Variants in ANKRD30A observed in about 807,000 individuals in gnomAD.
ANKRD30A encodes ankyrin repeat domain-containing protein 30A.
A neutral mutation model predicts 166.3 loss-of-function variants in ANKRD30A; 170 were observed. That is an observed-to-expected ratio of 1.02 (90% confidence interval 0.90 to 1.16). ANKRD30A has a LOEUF of 1.16. Among genes scored for constraint, ANKRD30A ranks in the 50% most tolerant of loss-of-function variants. The pLI, the probability that ANKRD30A is intolerant of heterozygous loss-of-function variation, is 0.00. For synonymous variants in ANKRD30A, 564 were observed against 508.9 expected (o/e 1.11, Z -1.46); for missense variants, 1,630 against 1,518.0 (o/e 1.07, Z -1.23).
chr10:37,151,218 C>T (rs184970279), intron 11 of ANKRD30A, among the ~76,000 whole-genome samples: 29 of 152,174 alleles, frequency 1.9e-4, no homozygotes, highest in Non-Finnish European at 3.2e-4. Context: ...GTAATTTGTA[C>T]TTTGTACTGA....
chr10:37,226,031 A>C (rs1344991270), intron 34 of ANKRD30A, among the ~76,000 whole-genome samples: 1 of 151,642 alleles, frequency 6.6e-6, no homozygotes, highest in Non-Finnish European at 1.5e-5. Context: ...TGGAAGCTTT[A>C]TCTTGTTCAA....
intron 15 of ANKRD30A, among the ~76,000 whole-genome samples, chr10:37,160,545 A>T (rs1405467976): frequency 6.6e-6 from 1 of 152,206 alleles, no homozygotes; most frequent in Non-Finnish European, 1.5e-5. Flanking sequence ...GCCAAATAAC[A>T]AATGGGCTCT....
intron 15 of ANKRD30A, among the ~76,000 whole-genome samples, chr10:37,158,981 C>A (rs1013422977): frequency 6.6e-6 from 1 of 152,104 alleles, no homozygotes; most frequent in African/African-American, 2.4e-5. Context: ...TGAGTGTTGC[C>A]ACTCAGAGAA....
the ANKRD30A span, among the ~76,000 whole-genome samples, chr10:37,246,331 C>G: frequency 6.6e-6 from 1 of 152,180 alleles, no homozygotes; most frequent in Non-Finnish European, 1.5e-5. Context: ...GTTAATCTAA[C>G]CTTGCATTTG....
chr10:37,153,886 G>C (rs17590371), intron 13 of ANKRD30A, among the ~76,000 whole-genome samples: 4 of 152,264 alleles, frequency 2.6e-5, no homozygotes, highest in African/African-American at 7.2e-5. Flanking sequence ...TCAAGATATT[G>C]CAAGACCTGA....
intron 6 of ANKRD30A, among the ~76,000 whole-genome samples, chr10:37,140,764 A>G (rs1443221187): frequency 2.0e-5 from 3 of 152,234 alleles, no homozygotes; most frequent in Non-Finnish European, 4.4e-5. Flanking sequence ...TGCTACTATG[A>G]TACCTAAATG....
the ANKRD30A span, among the ~76,000 whole-genome samples, chr10:37,263,738 C>G: frequency 1.3e-5 from 2 of 152,162 alleles, no homozygotes; most frequent in South Asian, 4.2e-4. Flanking sequence ...TCCTGCTGTG[C>G]AGCCTGGTTC....
intron 34 of ANKRD30A, among the ~76,000 whole-genome samples, chr10:37,225,141 A>G (rs1843087724): frequency 6.6e-6 from 1 of 151,024 alleles, no homozygotes; most frequent in Non-Finnish European, 1.5e-5. Flanking sequence ...AAATATTAAT[A>G]GTTTATATAT....
rs200399695 is a variant in ANKRD30A at position 37,217,790 on chromosome 10, G to C, written c.3179G>C (p.Arg1060Thr). ...EELGRIEEQHRKELEVKQQLE... is the reference protein window; with the variant it reads ...EELGRIEEQHTKELEVKQQLE... ...TTAGGAAGAATCGAAGAGCAGCATA[G>C]GAAAGAGTTAGAAGTGAAACAACAA... Residue 1060 changes from arginine to threonine, a missense_variant, in exon 33 of 36, where the codon AGG becomes ACG. Coordinates refer to ENST00000361713, the MANE Select transcript of ANKRD30A (RefSeq NM_052997.3). 8.1e-5 allele frequency: 129 copies of C among 1,600,268 alleles called. No individual in the cohort carries two copies. Among genetic ancestry groups the C allele is most frequent in the Non-Finnish European group, 1.0e-4 (121 of 1,172,662 alleles).
At chr10:37,196,081 T>C (rs1054581509) in intron 27 of ANKRD30A, among the ~76,000 whole-genome samples, 1 of 146,494 alleles carries the variant, frequency 6.8e-6, no homozygotes, top group Non-Finnish European at 1.5e-5. Flanking sequence ...TAGAGGTTTT[T>C]TTATATTTTC....
downstream of ANKRD30A, among the ~76,000 whole-genome samples, chr10:37,234,343 G>A (rs1843577651): frequency 6.6e-6 from 1 of 151,984 alleles, no homozygotes; most frequent in African/African-American, 2.4e-5. Flanking sequence ...ATTAAAATTA[G>A]CTTCAAAAAT....
At chr10:37,155,075 C>T (rs1009029531) in intron 13 of ANKRD30A, among the ~76,000 whole-genome samples, 3 of 152,050 alleles carry the variant, frequency 2.0e-5, no homozygotes, top group African/African-American at 7.2e-5. Flanking sequence ...TACACGAAAC[C>T]AGACTAATTT....
At chr10:37,224,345 C>G (rs1273495183) in intron 34 of ANKRD30A, among the ~76,000 whole-genome samples, 3 of 150,576 alleles carry the variant, frequency 2.0e-5, no homozygotes, top group Non-Finnish European at 4.5e-5. Context: ...CTTTTAGTCT[C>G]TTTGATTTTT....
At chr10:37,255,233 A>AT in the ANKRD30A span, among the ~76,000 whole-genome samples, 1 of 152,192 alleles carries the variant, frequency 6.6e-6, no homozygotes, top group Non-Finnish European at 1.5e-5. Flanking sequence ...ACACATGAAC[A>AT]TAGAGTGTAG....
intron 31 of ANKRD30A, among the ~76,000 whole-genome samples, chr10:37,207,730 T>A (rs1371328690): frequency 6.6e-6 from 1 of 151,962 alleles, no homozygotes; most frequent in Non-Finnish European, 1.5e-5. Context: ...TATAATAGTT[T>A]TTTGAAAATA....
chr10:37,153,751 T>A, intron 13 of ANKRD30A, 89 bp downstream of exon 13: 1 of 1,545,158 alleles, frequency 6.5e-7, no homozygotes, highest in Non-Finnish European at 8.8e-7. Context: ...TGAAGAAAAT[T>A]ACCTCCTAAA....
At chr10:37,233,000 C>A (rs1843521937), downstream of ANKRD30A, among the ~76,000 whole-genome samples, 1 of 151,562 alleles carries the variant, frequency 6.6e-6, no homozygotes, top group Non-Finnish European at 1.5e-5. Flanking sequence ...CTAAAATACC[C>A]ATTTCAATCA....
chr10:37,202,461 C>A (rs543659929), intron 31 of ANKRD30A, among the ~76,000 whole-genome samples: 1 of 152,046 alleles, frequency 6.6e-6, no homozygotes, highest in African/African-American at 2.4e-5. Context: ...CACCACATAC[C>A]AGAATCTGTG....
rs149423241 is a variant in ANKRD30A, at chr10:37,165,008, G to A, written c.2003-86G>A. The A allele has an allele frequency of 2.1e-3, 2,899 of 1,368,942 alleles. 14 individuals carry two copies. Among genetic ancestry groups the A allele is most frequent in the South Asian group, 2.5e-3 (208 of 84,428 alleles). 84.8% of individuals were successfully genotyped at this position (1,368,942 alleles called of 1,614,324 possible). A position where few individuals can be genotyped will look rare whatever the true frequency, so the allele number is the denominator to read the frequency against. On this transcript the variant is annotated intron_variant, in intron 17 of 35. Coordinates refer to ENST00000361713, the MANE Select transcript of ANKRD30A (RefSeq NM_052997.3). The stretch of plus-strand genomic sequence containing the variant: ...GCCACAGAGGAAAATCCACAGATTC[G>A]TGAATGAAAGTAGATTTGTATATGT...
Sources: gnomAD v4.1 joint callset for allele counts (sites outside exome capture counted in the v4.1 genomes callset) on GRCh38, gnomAD v4.1.1 for gene constraint, MANE v1.5 for transcripts, NCBI Gene and HGNC (gene_info 2026-07-23, HGNC 2026-07-21) for gene names.